The following EXT2 variants were observed in gnomAD, a reference collection of about 807,000 sequenced individuals.
EXT2 encodes exostosin glycosyltransferase 2, also known as exostosin-2.
Under a neutral mutation model 81.6 loss-of-function variants are expected in EXT2, and 53 were observed. The ratio of observed to expected loss-of-function variants is 0.65; its 90% CI spans 0.52 to 0.82. The LOEUF (loss-of-function observed/expected upper bound fraction) is 0.82. Ranked by LOEUF, EXT2 falls within the 40% of genes least tolerant of loss-of-function variation. The pLI is 0.00. For missense variants in EXT2, 774 were observed against 910.2 expected (o/e 0.85, Z 1.93); for synonymous variants, 320 against 340.0 (o/e 0.94, Z 0.65).
At chr11:44,213,959 T>C (rs1468308757) in intron 10 of EXT2, among the ~76,000 whole-genome samples, 1 of 152,252 alleles carries the variant, frequency 6.6e-6, no homozygotes, top group African/African-American at 2.4e-5. Flanking sequence ...GCAATACTTC[T>C]TATTTCAAAT....
intron 7 of EXT2, among the ~76,000 whole-genome samples, chr11:44,148,024 C>T (rs933191446): frequency 4.6e-5 from 7 of 152,110 alleles, no homozygotes; most frequent in African/African-American, 1.7e-4. Flanking sequence ...CAGTCATGTG[C>T]ATCTGTTTCC....
chr11:44,154,560 T>A (rs1954833984), intron 7 of EXT2, among the ~76,000 whole-genome samples: 1 of 152,192 alleles, frequency 6.6e-6, no homozygotes, highest in Non-Finnish European at 1.5e-5. Flanking sequence ...TTAGGTTGCT[T>A]CCAAATCTTG....
chr11:44,173,258 A>G (rs912311883), intron 8 of EXT2, among the ~76,000 whole-genome samples: 10 of 152,260 alleles, frequency 6.6e-5, no homozygotes, highest in Middle Eastern at 3.4e-3. Context: ...AACAGCAAAC[A>G]TCTTTTTGTT....
chr11:44,157,296 G>A (rs1423309321), intron 7 of EXT2, among the ~76,000 whole-genome samples: 2 of 152,156 alleles, frequency 1.3e-5, no homozygotes, highest in Non-Finnish European at 2.9e-5. Context: ...AATCCATTCT[G>A]GCTTATGTCC....
chr11:44,155,749 A>G (rs1262658581), intron 7 of EXT2, among the ~76,000 whole-genome samples: 1 of 152,066 alleles, frequency 6.6e-6, no homozygotes, highest in Admixed American at 6.5e-5. Context: ...TAATCTTTCT[A>G]CCCAAGATAT....
chr11:44,119,500 G>T (rs1339308809), intron 4 of EXT2, among the ~76,000 whole-genome samples: 1 of 152,172 alleles, frequency 6.6e-6, no homozygotes, highest in Non-Finnish European at 1.5e-5. Flanking sequence ...GCTCGTCAGA[G>T]ACTTAGCACC....
At chr11:44,123,338 G>C (rs1030059355) in intron 4 of EXT2, among the ~76,000 whole-genome samples, 3 of 152,254 alleles carry the variant, frequency 2.0e-5, no homozygotes, top group African/African-American at 7.2e-5. Context: ...ACAAACTCTA[G>C]GTTGCGTGGT....
intron 5 of EXT2, among the ~76,000 whole-genome samples, chr11:44,125,272 A>G (rs1224473654): frequency 6.6e-6 from 1 of 152,204 alleles, no homozygotes; most frequent in Non-Finnish European, 1.5e-5. Flanking sequence ...CCACATGGAC[A>G]AAGCAGGCAA....
rs539189532 is a variant in EXT2, at chr11:44,117,538, G to A, written c.743+3237G>A. On this transcript the variant is annotated intron_variant, in intron 4 of 13. Transcript: ENST00000533608. ...TCATTCTTTTGCTTGTGTATGTCTA[G>A]TTGTCTGAACACCACTGGTTGAAAA... Among the ~76,000 whole-genome samples, 21 of 152,200 alleles carry A rather than the reference G, an allele frequency of 1.4e-4. 1 individual carries two copies. Among genetic ancestry groups the A allele is most frequent in the African/African-American group, 4.3e-4 (18 of 41,524 alleles).
intron 6 of EXT2, among the ~76,000 whole-genome samples, chr11:44,128,066 C>T (rs1377685681): frequency 3.3e-5 from 5 of 152,160 alleles, no homozygotes; most frequent in Non-Finnish European, 4.4e-5. Context: ...TTTCCTCTCC[C>T]AACTTTTTTG....
At chr11:44,210,419 C>T (rs1044397249) in intron 10 of EXT2, among the ~76,000 whole-genome samples, 51 of 152,124 alleles carry the variant, frequency 3.4e-4, no homozygotes, top group Non-Finnish European at 6.0e-4. Flanking sequence ...TTTATGATTC[C>T]ATATATATAA....
chr11:44,209,472 C>A (rs1243818799), intron 10 of EXT2, among the ~76,000 whole-genome samples: 1 of 152,148 alleles, frequency 6.6e-6, no homozygotes, highest in Non-Finnish European at 1.5e-5. Context: ...ACATTTCTAT[C>A]TTGAAGAAGG....
chr11:44,246,278 T>C lies in EXT2; in HGVS notation c.*1991T>C, dbSNP rs142905413. On this transcript the variant is annotated 3_prime_UTR_variant, in exon 14 of 14. Transcript: ENST00000533608. ...CTGTGCTGGCATTGTGTATGTGTCA[T>C]ATTGCCCTGGTTTCTTCAAATTTCT... Among the ~76,000 whole-genome samples, 1,070 of 152,362 alleles carry C rather than the reference T, an allele frequency of 7.0e-3. 13 individuals are homozygous for C. Among genetic ancestry groups the C allele is most frequent in the African/African-American group, 0.024 (986 of 41,586 alleles).
intron 4 of EXT2, chr11:44,116,859 C>T (rs1250576206): frequency 1.3e-5 from 2 of 152,070 alleles, no homozygotes; most frequent in African/African-American, 2.4e-5. Flanking sequence ...ATTGAATTGT[C>T]CTTTTATCGT....
intron 1 of EXT2, chr11:44,103,602 T>G (rs1233876423): frequency 4.9e-6 from 2 of 412,266 alleles, no homozygotes; most frequent in Non-Finnish European, 9.4e-6. Flanking sequence ...AAATTGGAAT[T>G]ATTATTTCTT....
intron 10 of EXT2, among the ~76,000 whole-genome samples, chr11:44,210,444 C>T (rs1955634381): frequency 6.6e-6 from 1 of 152,070 alleles, no homozygotes; most frequent in Non-Finnish European, 1.5e-5. Flanking sequence ...CTGGAAAGTA[C>T]AAACTAACCC....
At chr11:44,233,619 G>C (rs1481244158) in intron 11 of EXT2, among the ~76,000 whole-genome samples, 1 of 152,182 alleles carries the variant, frequency 6.6e-6, no homozygotes, top group Non-Finnish European at 1.5e-5. Context: ...AGAAAGGTCT[G>C]TTCAGCTCAA....
intron 4 of EXT2, among the ~76,000 whole-genome samples, chr11:44,118,231 G>C (rs551838024): frequency 6.6e-6 from 1 of 152,056 alleles, no homozygotes; most frequent in Non-Finnish European, 1.5e-5. Context: ...GTTAATTACG[G>C]GTTTGCTGGG....
chr11:44,124,042 CT>C (rs1954357189), intron 4 of EXT2, among the ~76,000 whole-genome samples: 1 of 152,110 alleles, frequency 6.6e-6, no homozygotes, highest in Admixed American at 6.6e-5. Context: ...ATATCTGTCT[CT>C]TGTGGAGATC....
Sources: allele counts gnomAD v4.1 joint callset (sites outside exome capture counted in the v4.1 genomes callset), GRCh38; gene constraint gnomAD v4.1.1; transcripts MANE v1.5; gene names NCBI Gene and HGNC (gene_info 2026-07-23, HGNC 2026-07-21).